The following VWA3B variants were observed in gnomAD, a reference collection of about 807,000 sequenced individuals.
VWA3B encodes von Willebrand factor A domain-containing protein 3B.
Under a neutral mutation model 158.3 loss-of-function variants are expected in VWA3B, and 138 were observed. The observed-to-expected ratio is 0.87, with a 90% CI of 0.76 to 1.00. The LOEUF (loss-of-function observed/expected upper bound fraction) is 1.00. VWA3B is among the 50% of genes least tolerant of loss of function. The pLI is 0.00. For missense variants in VWA3B, 1,555 were observed against 1,565.1 expected, an observed-to-expected ratio of 0.99 and a Z score of 0.11; for synonymous variants, 596 against 587.3, an observed-to-expected ratio of 1.01 and a Z score of -0.21.
chr2:98,314,355 A>G (rs1394401924), downstream of VWA3B, among the ~76,000 whole-genome samples: 1 of 152,226 alleles, frequency 6.6e-6, no homozygotes, highest in African/African-American at 2.4e-5. Flanking sequence ...AGAAAGGACC[A>G]CTCAAAGTGA....
chr2:98,324,619 C>A, the VWA3B span, among the ~76,000 whole-genome samples: 2 of 152,166 alleles, frequency 1.3e-5, no homozygotes, highest in Non-Finnish European at 2.9e-5. Context: ...AACAAGTCTT[C>A]TGAGGAATGT....
At chr2:98,311,034 C>T (rs926915564) in intron 26 of VWA3B, among the ~76,000 whole-genome samples, 8 of 152,092 alleles carry the variant, frequency 5.3e-5, no homozygotes, top group Non-Finnish European at 8.8e-5. Context: ...AGAAGTTATG[C>T]GGAGTAAAAA....
intron 6 of VWA3B, chr2:98,133,587 C>G: frequency 4.1e-6 from 2 of 490,384 alleles, no homozygotes; most frequent in Admixed American, 3.5e-5. Flanking sequence ...AATTTACCCT[C>G]TAATGAAAGG....
At chr2:98,094,970 T>C (rs945761597) in intron 2 of VWA3B, among the ~76,000 whole-genome samples, 1 of 152,238 alleles carries the variant, frequency 6.6e-6, no homozygotes, top group Non-Finnish European at 1.5e-5. Context: ...TCTATTCTAT[T>C]CCATTGATCT....
chr2:98,135,537 G>A (rs1034971832), intron 7 of VWA3B, among the ~76,000 whole-genome samples: 5 of 151,142 alleles, frequency 3.3e-5, no homozygotes, highest in African/African-American at 7.3e-5. Flanking sequence ...GGGTTTCACC[G>A]TTTTAGCCGG....
intron 5 of VWA3B, 48 bp from the exon 6 acceptor site, chr2:98,128,191 A>C (rs1246763651): frequency 1.2e-6 from 2 of 1,605,672 alleles, no homozygotes; most frequent in Admixed American, 1.7e-5. Context: ...ACTAGTACCA[A>C]GCTAGGGCAT....
intron 21 of VWA3B, chr2:98,269,612 T>G (rs1688075242): frequency 6.6e-6 from 1 of 152,096 alleles, no homozygotes; most frequent in Non-Finnish European, 1.5e-5. Flanking sequence ...TTGCATCACA[T>G]TGTTTTGGGG....
At chr2:98,173,834 C>T (rs982746441) in intron 8 of VWA3B, among the ~76,000 whole-genome samples, 4 of 151,856 alleles carry the variant, frequency 2.6e-5, no homozygotes, top group African/African-American at 4.8e-5. Context: ...GGTGTAGTGG[C>T]GGGCGCCTGT....
intron 22 of VWA3B, among the ~76,000 whole-genome samples, chr2:98,285,350 G>A (rs2105931698): frequency 6.6e-6 from 1 of 152,100 alleles, no homozygotes; most frequent in East Asian, 1.9e-4. Flanking sequence ...ATGGACATTT[G>A]AATTATTTCT....
At chr2:98,307,227 A>G (rs920988367) in intron 26 of VWA3B, among the ~76,000 whole-genome samples, 10 of 152,254 alleles carry the variant, frequency 6.6e-5, no homozygotes, top group Admixed American at 2.0e-4. Flanking sequence ...CAGAAAGGGT[A>G]CACTTGCCAG....
At chr2:98,254,260 C>T (rs1189567711) in intron 20 of VWA3B, among the ~76,000 whole-genome samples, 1 of 152,092 alleles carries the variant, frequency 6.6e-6, no homozygotes, top group African/African-American at 2.4e-5. Context: ...AGCTACGTAG[C>T]ACAGGATCAC....
chr2:98,251,347 G>A (rs886120918), intron 20 of VWA3B, among the ~76,000 whole-genome samples: 1 of 152,138 alleles, frequency 6.6e-6, no homozygotes, highest in Non-Finnish European at 1.5e-5. Flanking sequence ...AAACTCGACA[G>A]TAATGAGATA....
chr2:98,271,354 A>AT (rs1012006919), intron 22 of VWA3B, among the ~76,000 whole-genome samples: 3 of 152,096 alleles, frequency 2.0e-5, no homozygotes, highest in African/African-American at 2.4e-5. Flanking sequence ...AGTGTTAGCA[A>AT]TTTTTTTTAA....
intron 22 of VWA3B, among the ~76,000 whole-genome samples, chr2:98,271,310 C>T (rs1477770690): frequency 6.6e-6 from 1 of 152,074 alleles, no homozygotes; most frequent in Admixed American, 6.5e-5. Context: ...GAGAAATGAA[C>T]ATGTGAAGTG....
chr2:98,132,829 A>G (rs1271271143), intron 6 of VWA3B, among the ~76,000 whole-genome samples: 1 of 152,188 alleles, frequency 6.6e-6, no homozygotes, highest in Non-Finnish European at 1.5e-5. Flanking sequence ...TGACATTTTA[A>G]TTGCCGTCAA....
At chr2:98,101,438 G>A (rs1683068089) in intron 2 of VWA3B, among the ~76,000 whole-genome samples, 1 of 152,154 alleles carries the variant, frequency 6.6e-6, no homozygotes, top group South Asian at 2.1e-4. Context: ...TGCCCCTGAG[G>A]AGTACTCCTT....
chr2:98,254,296 G>T (rs1192772561), intron 20 of VWA3B, among the ~76,000 whole-genome samples: 1 of 152,106 alleles, frequency 6.6e-6, no homozygotes, highest in Non-Finnish European at 1.5e-5. Context: ...GGACACCAAG[G>T]TTTGAACCCA....
rs549186516 is a variant in VWA3B at position 98,090,224 on chromosome 2, G to A, written c.-32-2837G>A. ...CTTTCAGCTCCAGTCTTTGTGGATAGATCCTCAAAAACAAGTTGAGGCATA... is the reference window on the plus strand; with the variant it reads ...CTTTCAGCTCCAGTCTTTGTGGATAAATCCTCAAAAACAAGTTGAGGCATA... On this transcript the variant is annotated intron_variant, in intron 1 of 27. Coordinates refer to ENST00000477737, the MANE Select transcript of VWA3B (RefSeq NM_144992.5). 2.6e-5 allele frequency among the ~76,000 whole-genome samples: 4 copies of A among 152,292 alleles called. No individual in the cohort carries two copies. In the South Asian group the frequency reaches 6.2e-4, roughly 24 times the overall value.
chr2:98,090,203 C>T (rs576357885), intron 1 of VWA3B, among the ~76,000 whole-genome samples: 20 of 152,304 alleles, frequency 1.3e-4, no homozygotes, highest in Non-Finnish European at 2.5e-4. Context: ...GACTTTCTTT[C>T]AGCTCCAGTC....
Sources: gnomAD v4.1 joint callset for allele counts (sites outside exome capture counted in the v4.1 genomes callset) on GRCh38, gnomAD v4.1.1 for gene constraint, MANE v1.5 for transcripts, NCBI Gene and HGNC (gene_info 2026-07-23, HGNC 2026-07-21) for gene names.